The following PHKB variants were observed in gnomAD, a reference collection of about 807,000 sequenced individuals.
PHKB encodes phosphorylase b kinase regulatory subunit beta.
Under a neutral mutation model 152.1 loss-of-function variants are expected in PHKB, and 122 were observed. The observed-to-expected ratio is 0.80, with a 90% CI of 0.69 to 0.93. The LOEUF (loss-of-function observed/expected upper bound fraction) is 0.93. Among genes scored for constraint, PHKB ranks in the 40% least tolerant of loss-of-function variants. The probability of loss-of-function intolerance (pLI) is 0.00; values close to 1 mark genes in which losing one functional copy is unlikely to be tolerated. For missense variants in PHKB, 1,304 were observed against 1,328.4 expected (o/e 0.98, Z 0.29); for synonymous variants, 436 against 464.9 (o/e 0.94, Z 0.80).
intron 6 of PHKB, among the ~76,000 whole-genome samples, chr16:47,527,656 G>C (rs1207283405): frequency 6.6e-6 from 1 of 152,196 alleles, no homozygotes; most frequent in East Asian, 1.9e-4. Flanking sequence ...ATACATTGGA[G>C]CTGTAGCCCC....
chr16:47,650,279 A>G (rs1349146386), intron 18 of PHKB, among the ~76,000 whole-genome samples: 1 of 152,156 alleles, frequency 6.6e-6, no homozygotes, highest in Non-Finnish European at 1.5e-5. Context: ...AAAGAGGGGG[A>G]AAACACATTA....
chr16:47,502,304 C>A (rs1024742562), intron 3 of PHKB, among the ~76,000 whole-genome samples: 4 of 151,990 alleles, frequency 2.6e-5, no homozygotes, highest in African/African-American at 9.7e-5. Flanking sequence ...ACATCTTAAC[C>A]AAACTAGGTT....
Position 47,594,207 on chromosome 16 carries a change from C to T in PHKB, c.1197C>T (p.Thr399=), listed in dbSNP as rs369600478. Residue 399 remains threonine (T), a synonymous_variant, in exon 12 of 31, where the codon ACC becomes ACT. Transcript: ENST00000323584. The part of the protein sequence containing the change: ...QDLLTPVLHH[T]TEGYPVVPKY... ...TTTTGACTCCAGTACTTCATCATAC[C>T]ACAGAAGGTATAGTTGTTTTTTTAA... The T allele has an allele frequency of 2.6e-6, 4 of 1,525,588 alleles. No homozygotes were observed. The African/African-American group carries it at 4.1e-5, about 16-fold the overall frequency. 94.5% of individuals were successfully genotyped at this position (1,525,588 alleles called of 1,614,324 possible). A position where few individuals can be genotyped will look rare whatever the true frequency, so the allele number is the denominator to read the frequency against.
intron 13 of PHKB, among the ~76,000 whole-genome samples, chr16:47,601,404 T>C (rs762294666): frequency 2.6e-5 from 4 of 152,108 alleles, no homozygotes; most frequent in Non-Finnish European, 4.4e-5. Flanking sequence ...CATATCAGCT[T>C]TTAAAAATCT....
chr16:47,658,766 T>C (rs1973384706), intron 20 of PHKB, among the ~76,000 whole-genome samples: 1 of 151,966 alleles, frequency 6.6e-6, no homozygotes, highest in African/African-American at 2.4e-5. Context: ...TGCCTAATGA[T>C]GCATTTCTCA....
chr16:47,628,392 C>T (rs1032631092), intron 14 of PHKB, among the ~76,000 whole-genome samples: 3 of 152,176 alleles, frequency 2.0e-5, no homozygotes, highest in Admixed American at 6.5e-5. Context: ...ATTAGCCAGG[C>T]GTGGTGGCAG....
chr16:47,666,018 G>T (rs758781159), intron 25 of PHKB: 1 of 1,611,534 alleles, frequency 6.2e-7, no homozygotes. Context: ...TAATGTTTTA[G>T]TGCAGGGCAA....
intron 6 of PHKB, among the ~76,000 whole-genome samples, chr16:47,535,739 T>G (rs1970941031): frequency 1.3e-5 from 2 of 152,240 alleles, no homozygotes; most frequent in African/African-American, 2.4e-5. Context: ...ACGTTATTGT[T>G]GTATTTCATT....
At chr16:47,684,328 AAAAAT>A (rs1202437464) in intron 26 of PHKB, among the ~76,000 whole-genome samples, 2 of 152,174 alleles carry the variant, frequency 1.3e-5, no homozygotes, top group Admixed American at 6.5e-5. Flanking sequence ...GTGTCTCAAA[AAAAAT>A]AAAATAAAAT....
At chr16:47,558,230 T>G (rs537741616) in intron 7 of PHKB, among the ~76,000 whole-genome samples, 323 of 103,932 alleles carry the variant, frequency 3.1e-3, no homozygotes, top group Middle Eastern at 0.027. Context: ...TGGGGACTGT[T>G]GTGGGGTCGG....
chr16:47,644,688 T>G (rs1470892712), intron 16 of PHKB, among the ~76,000 whole-genome samples: 1 of 152,156 alleles, frequency 6.6e-6, no homozygotes, highest in Non-Finnish European at 1.5e-5. Flanking sequence ...ATTGAAAACT[T>G]TTAAAATTAT....
chr16:47,645,227 A>G (rs1007411519), intron 16 of PHKB, among the ~76,000 whole-genome samples: 6 of 144,526 alleles, frequency 4.2e-5, no homozygotes, highest in Non-Finnish European at 9.0e-5. Context: ...ATTAGATCCC[A>G]TTTGTCAATT....
intron 13 of PHKB, among the ~76,000 whole-genome samples, chr16:47,608,953 G>A (rs555678779): frequency 6.6e-6 from 1 of 152,296 alleles, no homozygotes; most frequent in South Asian, 2.1e-4. Flanking sequence ...AGTGGTGAGA[G>A]TGGATATCCT....
chr16:47,661,610 A>T, intron 22 of PHKB, 109 bp from the exon 23 acceptor site: 1 of 745,914 alleles, frequency 1.3e-6, no homozygotes, highest in East Asian at 2.5e-5. Flanking sequence ...CCTCAGTTAC[A>T]TAGTAAAGTG....
At chr16:47,565,237 A>G (rs1166672839) in intron 7 of PHKB, 4 of 679,440 alleles carry the variant, frequency 5.9e-6, no homozygotes, top group Non-Finnish European at 8.4e-6. Context: ...CATCTTTCCT[A>G]TCTGACTCCG....
At chr16:47,501,158 A>T (rs1970318570) in intron 3 of PHKB, among the ~76,000 whole-genome samples, 1 of 152,210 alleles carries the variant, frequency 6.6e-6, no homozygotes, top group East Asian at 1.9e-4. Context: ...GACTGATGTT[A>T]ATTGCCATTC....
chr16:47,505,568 T>G (rs1218752104), intron 4 of PHKB: 1 of 152,182 alleles, frequency 6.6e-6, no homozygotes, highest in Non-Finnish European at 1.5e-5. Flanking sequence ...AGTAAATATT[T>G]GTGTCGTTAT....
At chr16:47,644,507 G>A (rs575164688) in intron 16 of PHKB, among the ~76,000 whole-genome samples, 2 of 152,312 alleles carry the variant, frequency 1.3e-5, no homozygotes, top group East Asian at 1.9e-4. Context: ...TGAACAGAGA[G>A]CTCTGGCAAC....
rs1472591546 is a variant in PHKB, at chr16:47,610,776, G to C, written c.1364-50G>C. On this transcript the variant is annotated intron_variant, in intron 13 of 30. Coordinates refer to ENST00000323584, the MANE Select transcript of PHKB (RefSeq NM_000293.3). ...TTTCTAAAAGTCTAGTTGGTTTATA[G>C]TGTTATGCAAATGCATTTTCGATAA... The C allele has an allele frequency of 6.0e-6, 6 of 995,562 alleles. No individual in the cohort carries two copies. In the East Asian group the frequency reaches 7.1e-5, roughly 12 times the overall value. 61.7% of individuals were successfully genotyped at this position (995,562 alleles called of 1,614,324 possible). A position where few individuals can be genotyped will look rare whatever the true frequency, so the allele number is the denominator to read the frequency against.
Sources: gnomAD v4.1 joint callset for allele counts (sites outside exome capture counted in the v4.1 genomes callset) on GRCh38, gnomAD v4.1.1 for gene constraint, MANE v1.5 for transcripts, NCBI Gene and HGNC (gene_info 2026-07-23, HGNC 2026-07-21) for gene names.